Variants in VPS72 observed in about 807,000 individuals in gnomAD.
VPS72 encodes vacuolar protein sorting-associated protein 72 homolog.
In VPS72, 27 loss-of-function variants were observed where a neutral mutation model predicts 38.9. That is an observed-to-expected ratio of 0.69 (90% confidence interval 0.51 to 0.96). VPS72 has a LOEUF of 0.96. VPS72 is among the 40% of genes least tolerant of loss of function. The pLI is 0.00. For synonymous variants in VPS72, 173 were observed against 186.3 expected (o/e 0.93, Z 0.58); for missense variants, 360 against 479.5 (o/e 0.75, Z 2.33).
chr1:151,176,960 C>T lies in VPS72; in HGVS notation c.779G>A (p.Arg260His), dbSNP rs776466676. Residue 260 changes from arginine to histidine, a missense_variant, in exon 6 of 6, where the codon CGC becomes CAC. Physicochemically the swap from Arg to His is conservative, Grantham distance 29. This residue lies in a region of VPS72 where 294 missense variants were observed against 356.3 expected (regional missense o/e 0.83). Coordinates refer to ENST00000368892, the MANE Select transcript of VPS72 (RefSeq NM_005997.3). ...AAAAGTGATGAAGGTACGTGAGCAG[C>T]GAGCAGGGGGGTTGACGGGTCCAGT... ...AGTGPVNPPARCSRTFITFSD... is the reference protein window; with the variant it reads ...AGTGPVNPPAHCSRTFITFSD... 5.6e-6 allele frequency: 9 copies of T among 1,609,654 alleles called. No individual in the cohort carries two copies. Among genetic ancestry groups the T allele is most frequent in the South Asian group, 1.1e-5 (1 of 90,712 alleles).
At chr1:151,186,256 T>C (rs1227513576) in intron 1 of VPS72, among the ~76,000 whole-genome samples, 1 of 152,056 alleles carries the variant, frequency 6.6e-6, no homozygotes. Flanking sequence ...CTTACTTTTT[T>C]TTTTTTGAGA....
rs16833052 is a variant in VPS72 at position 151,189,457 on chromosome 1, T to C, written c.117+548A>G. Among the ~76,000 whole-genome samples the C allele has an allele frequency of 7.3e-3, 1,113 of 152,278 alleles. 24 individuals are homozygous for C. The highest frequency in any genetic ancestry group is 0.026 in the African/African-American group (1,073 of 41,554). On this transcript the variant is annotated intron_variant, in intron 1 of 5. Transcript: ENST00000368892. Reference sequence around the variant, plus strand: ...TAAGCAAACCAAATCTAATTGCAAATTGAAATATGTTCTGTGGAAGAAATA... The same window carrying C: ...TAAGCAAACCAAATCTAATTGCAAACTGAAATATGTTCTGTGGAAGAAATA...
intron 4 of VPS72, among the ~76,000 whole-genome samples, chr1:151,180,931 T>C (rs1011858050): frequency 2.0e-5 from 3 of 152,190 alleles, no homozygotes; most frequent in Non-Finnish European, 4.4e-5. Context: ...CTTACATCCC[T>C]ACAGGATATA....
intron 1 of VPS72, 61 bp downstream of exon 1, chr1:151,189,944 T>G: frequency 5.8e-6 from 9 of 1,558,402 alleles, no homozygotes; most frequent in South Asian, 2.3e-5. Context: ...TTGTCCGGGG[T>G]TTCTCCCTTC....
Position 151,176,866 on chromosome 1 carries a change from G to C in VPS72, c.873C>G (p.Val291=). 1 of 1,614,202 alleles carries C rather than the reference G, an allele frequency of 6.2e-7. No homozygotes were observed. The highest frequency in any genetic ancestry group is 8.5e-7 in the Non-Finnish European group (1 of 1,180,032). The change falls in exon 6 of 6, where the codon GTC becomes GTG. Residue 291 remains valine, a synonymous_variant. Coordinates refer to ENST00000368892, the MANE Select transcript of VPS72 (RefSeq NM_005997.3). ...GGGCTGGACGATGGGTCACTGGACA[G>C]ACCTCACGAACAGGGACTTTTGGGG... The part of the protein sequence containing the change: ...GRPPKVPVRE[V]CPVTHRPALY...
chr1:151,189,703 T>C (rs759124392), intron 1 of VPS72, among the ~76,000 whole-genome samples: 2 of 152,222 alleles, frequency 1.3e-5, no homozygotes, highest in East Asian at 3.9e-4. Flanking sequence ...ACGTCAGAAG[T>C]ACAGTGAAAG....
intron 4 of VPS72, 148 bp from the exon 5 acceptor site, chr1:151,178,293 T>C (rs2101721719): frequency 9.4e-7 from 1 of 1,068,002 alleles, no homozygotes; most frequent in Admixed American, 3.2e-5. Context: ...CCTAAGGCCG[T>C]CTGGCACCTC....
intron 4 of VPS72, among the ~76,000 whole-genome samples, chr1:151,182,831 C>T (rs929097428): frequency 6.6e-5 from 10 of 152,188 alleles, no homozygotes; most frequent in Non-Finnish European, 1.3e-4. Flanking sequence ...GAAACTATCA[C>T]ATTTTAGTGT....
intron 4 of VPS72, among the ~76,000 whole-genome samples, chr1:151,183,596 G>C (rs909595699): frequency 2.6e-5 from 4 of 151,336 alleles, no homozygotes; most frequent in Non-Finnish European, 4.4e-5. Flanking sequence ...CAAGTACCTG[G>C]GATTACAGAC....
chr1:151,189,265 C>T (rs905009119), intron 1 of VPS72, among the ~76,000 whole-genome samples: 2 of 152,170 alleles, frequency 1.3e-5, no homozygotes, highest in Non-Finnish European at 2.9e-5. Context: ...CAACCTATTA[C>T]CGATGGCATG....
Position 151,184,386 on chromosome 1 carries a change from G to A in VPS72, c.493C>T (p.Arg165Trp), listed in dbSNP as rs776336460. The A allele has an allele frequency of 8.7e-6, 14 of 1,613,872 alleles. No homozygotes were observed. The highest frequency in any genetic ancestry group is 1.3e-5 in the African/African-American group (1 of 74,858). ...AGCAGTTCCTCCTGGGTTAGTGGCCGCTCACAGTGGGGCCCCTTTCGCCGT... is the reference window on the plus strand; with the variant it reads ...AGCAGTTCCTCCTGGGTTAGTGGCCACTCACAGTGGGGCCCCTTTCGCCGT... ...SRRRKGPHCE[R>W]PLTQEELLRE... The change falls in exon 4 of 6, where the codon CGG becomes TGG. Residue 165 changes from arginine to tryptophan, a missense_variant. Physicochemically the swap from Arg to Trp is moderately radical, Grantham distance 101. Coordinates refer to ENST00000368892, the MANE Select transcript of VPS72 (RefSeq NM_005997.3).
chr1:151,188,729 C>T (rs1398851969), intron 1 of VPS72, among the ~76,000 whole-genome samples: 1 of 152,226 alleles, frequency 6.6e-6, no homozygotes, highest in African/African-American at 2.4e-5. Context: ...AAACTGTCCT[C>T]AGCTTAAACA....
In VPS72 at chr1:151,184,250, C is replaced by T; in HGVS notation, c.562+67G>A. On this transcript the variant is annotated intron_variant, in intron 4 of 5. Transcript: ENST00000368892. ...CCATCTCTCCAGTTCTTTGGTCCTC[C>T]AGGTCTCATGGTTTTTCTCATGCCC... 8 of 1,567,854 alleles carry T rather than the reference C, an allele frequency of 5.1e-6. 1 individual carries two copies. The Middle Eastern group carries it at 1.4e-3, about 273-fold the overall frequency.
chr1:151,182,587 G>A (rs1007502606), intron 4 of VPS72, among the ~76,000 whole-genome samples: 6 of 152,146 alleles, frequency 3.9e-5, no homozygotes, highest in Non-Finnish European at 7.3e-5. Context: ...AGCTTGAAAA[G>A]TTTTGCTCCC....
intron 4 of VPS72, among the ~76,000 whole-genome samples, chr1:151,180,811 C>T (rs990367237): frequency 3.3e-5 from 5 of 152,214 alleles, no homozygotes; most frequent in Non-Finnish European, 5.9e-5. Context: ...CATCTATATC[C>T]TCAAGCTCCT....
chr1:151,186,058 C>T, intron 1 of VPS72, 108 bp from the exon 2 acceptor site: 5 of 1,368,876 alleles, frequency 3.7e-6, no homozygotes, highest in Non-Finnish European at 4.9e-6. Context: ...TACTCTCCTT[C>T]CTAATCCAGC....
At chr1:151,185,995 A>G in intron 1 of VPS72, 45 bp from the exon 2 acceptor site, 1 of 1,605,776 alleles carries the variant, frequency 6.2e-7, no homozygotes, top group Non-Finnish European at 8.5e-7. Context: ...TGGAAGCCTT[A>G]ATGCCCCTTC....
At chr1:151,181,319 C>A (rs587675040) in intron 4 of VPS72, among the ~76,000 whole-genome samples, 1 of 150,600 alleles carries the variant, frequency 6.6e-6, no homozygotes, top group African/African-American at 2.4e-5. Context: ...CTCACTGCAA[C>A]CTCCGCCTCC....
At chr1:151,179,392 G>A (rs995373602) in intron 4 of VPS72, among the ~76,000 whole-genome samples, 3 of 152,124 alleles carry the variant, frequency 2.0e-5, no homozygotes, top group Non-Finnish European at 4.4e-5. Context: ...GAGGTCAGGA[G>A]ATCAAGACCA....
Sources: gnomAD v4.1 joint callset for allele counts (sites outside exome capture counted in the v4.1 genomes callset) on GRCh38, gnomAD v4.1.1 for gene constraint, gnomAD v4.1.1 regional missense constraint, MANE v1.5 for transcripts, NCBI Gene and HGNC (gene_info 2026-07-23, HGNC 2026-07-21) for gene names.